The following NAA15 variants were observed in gnomAD, a reference collection of about 807,000 sequenced individuals.
NAA15 encodes the protein N-alpha-acetyltransferase 15, NatA auxiliary subunit.
Under a neutral mutation model 114.0 loss-of-function variants are expected in NAA15, and 34 were observed. The observed-to-expected ratio is 0.30, with a 90% CI of 0.23 to 0.40. The LOEUF (loss-of-function observed/expected upper bound fraction) is 0.40, where lower values mean the gene tolerates loss of function less well. NAA15 is among the 10% of genes least tolerant of loss of function. The probability of loss-of-function intolerance (pLI) is 1.00; values close to 1 mark genes in which losing one functional copy is unlikely to be tolerated. For missense variants in NAA15, 658 were observed against 1,004.5 expected (o/e 0.66, Z 4.66); for synonymous variants, 340 against 338.0 (o/e 1.01, Z -0.06).
At chr4:139,345,977 G>T (rs1330623478) in intron 6 of NAA15, among the ~76,000 whole-genome samples, 1 of 152,108 alleles carries the variant, frequency 6.6e-6, no homozygotes. Flanking sequence ...ACATGACTCA[G>T]TTGAGGAGTT....
At chr4:139,361,208 T>G (rs557977502) in intron 13 of NAA15, among the ~76,000 whole-genome samples, 11 of 152,286 alleles carry the variant, frequency 7.2e-5, no homozygotes, top group African/African-American at 2.6e-4. Context: ...ATACCAAAGC[T>G]TAGTTGAAAT....
intron 1 of NAA15, among the ~76,000 whole-genome samples, chr4:139,308,200 A>G (rs1746090783): frequency 6.6e-6 from 1 of 152,074 alleles, no homozygotes; most frequent in Admixed American, 6.6e-5. Context: ...TGACCTCCTG[A>G]TCTGCCCGCC....
chr4:139,320,903 G>C (rs1373504402), intron 1 of NAA15, among the ~76,000 whole-genome samples: 1 of 152,002 alleles, frequency 6.6e-6, no homozygotes, highest in Admixed American at 6.6e-5. Context: ...CTCCTGCCTG[G>C]GCCTCCCAAA....
chr4:139,335,458 T>C (rs1257564501), intron 2 of NAA15, among the ~76,000 whole-genome samples: 2 of 151,932 alleles, frequency 1.3e-5, no homozygotes, highest in Non-Finnish European at 1.5e-5. Context: ...TTCCACCTCC[T>C]GGGTTCAAGC....
intron 1 of NAA15, among the ~76,000 whole-genome samples, chr4:139,321,453 A>G (rs1249251432): frequency 6.8e-6 from 1 of 147,266 alleles, no homozygotes; most frequent in Non-Finnish European, 1.5e-5. Flanking sequence ...CTTGAGCCAC[A>G]GTGCCTGGCC....
chr4:139,308,739 C>T (rs958161607), intron 1 of NAA15, among the ~76,000 whole-genome samples: 1 of 152,090 alleles, frequency 6.6e-6, no homozygotes, highest in Admixed American at 6.5e-5. Context: ...CCTCAGCCTC[C>T]CCAGTAGCTG....
At chr4:139,334,104 A>G (rs918803225) in intron 1 of NAA15, 70 bp from the exon 2 acceptor site, 4 of 910,894 alleles carry the variant, frequency 4.4e-6, no homozygotes, top group Non-Finnish European at 6.9e-6. Context: ...AGAGTAGAGA[A>G]ATTTAGCGTT....
At chr4:139,310,957 C>A (rs993676835) in intron 1 of NAA15, among the ~76,000 whole-genome samples, 48 of 151,462 alleles carry the variant, frequency 3.2e-4, no homozygotes, top group African/African-American at 1.1e-3. Flanking sequence ...TACTCTGTTG[C>A]CCAGGCTGGA....
intron 13 of NAA15, 91 bp from the exon 14 acceptor site, chr4:139,361,633 C>T: frequency 2.7e-6 from 2 of 751,530 alleles, no homozygotes; most frequent in Non-Finnish European, 4.1e-6. Flanking sequence ...TTTTTTCATG[C>T]CAAAGTAACA....
Position 139,319,886 on chromosome 4 carries a change from T to C in NAA15, c.55-14288T>C, listed in dbSNP as rs1746541485. Among the ~76,000 whole-genome samples the C allele has an allele frequency of 2.6e-5, 4 of 152,330 alleles. No homozygotes were observed. In the Middle Eastern group the frequency reaches 0.014, roughly 518 times the overall value. On this transcript the variant is annotated intron_variant, in intron 1 of 19. Coordinates refer to ENST00000296543, the MANE Select transcript of NAA15 (RefSeq NM_057175.5). ...AACAGGTTCCTAAAGCTCTGTTTCT[T>C]TAAACATCTTTCTTTGTGTTTTTCA...
rs915138416 is a variant in NAA15, at chr4:139,391,047, T to C, written c.*2963T>C. The stretch of plus-strand genomic sequence containing the variant: ...TTGGGAAAAGCTGTAATGTAAAATA[T>C]TGGACTTTGTTGCAAGATAGGTATA... On this transcript the variant is annotated 3_prime_UTR_variant, in exon 20 of 20. Coordinates refer to ENST00000296543, the MANE Select transcript of NAA15 (RefSeq NM_057175.5). The C allele has an allele frequency of 1.3e-5, 2 of 152,256 alleles. No individual in the cohort carries two copies. The highest frequency in any genetic ancestry group is 2.4e-5 in the African/African-American group (1 of 41,472). The allele number at this position is 152,256 out of a possible 1,614,324, so 9.4% of individuals were successfully genotyped here. A position where few individuals can be genotyped will look rare whatever the true frequency, so the allele number is the denominator to read the frequency against.
At chr4:139,320,350 G>A (rs1033006236) in intron 1 of NAA15, among the ~76,000 whole-genome samples, 5 of 152,244 alleles carry the variant, frequency 3.3e-5, no homozygotes, top group African/African-American at 1.2e-4. Flanking sequence ...GTGCCTGAAC[G>A]GAGTATCTGT....
chr4:139,357,283 C>T, intron 10 of NAA15, 103 bp from the exon 11 acceptor site: 1 of 946,404 alleles, frequency 1.1e-6, no homozygotes. Context: ...AAATAAACTC[C>T]TTTCATAGTA....
chr4:139,371,050 C>G (rs1748421781), intron 15 of NAA15, among the ~76,000 whole-genome samples: 1 of 152,148 alleles, frequency 6.6e-6, no homozygotes, highest in Admixed American at 6.5e-5. Context: ...TTCCTTTGTC[C>G]TTTCTTTTGA....
In NAA15 at chr4:139,385,300, A is replaced by AAT. The variant is rs1553999087; in HGVS notation, c.2302+329_2302+330dup. On this transcript the variant is annotated intron_variant, in intron 18 of 19. Transcript: ENST00000296543. The stretch of plus-strand genomic sequence containing the variant: ...ATATATATAATATATATATATATAT[A>AAT]ATATATATTATATATATATGCGCTT... Among the ~76,000 whole-genome samples, 4 of 90,184 alleles carry AAT rather than the reference A, an allele frequency of 4.4e-5. No homozygotes were observed. The South Asian group carries it at 9.6e-4, about 22-fold the overall frequency. 59.2% of individuals were successfully genotyped at this position (90,184 alleles called of 152,430 possible). A position where few individuals can be genotyped will look rare whatever the true frequency, so the allele number is the denominator to read the frequency against.
rs772888428 is a variant in NAA15, at chr4:139,359,907, T to C, written c.1410+12T>C. ...CAAAGTTTACAAGGGTTTGTACAGCTAGTGTTCTTAATTATGAATAAAGAA... is the reference window on the plus strand; with the variant it reads ...CAAAGTTTACAAGGGTTTGTACAGCCAGTGTTCTTAATTATGAATAAAGAA... On this transcript the variant is annotated intron_variant, in intron 12 of 19. Transcript: ENST00000296543. 1 of 1,562,866 alleles carries C rather than the reference T, an allele frequency of 6.4e-7. No individual in the cohort carries two copies.
rs971066403 is a variant in NAA15, at chr4:139,390,067, T to C, written c.*1983T>C. 6 of 152,644 alleles carry C rather than the reference T, an allele frequency of 3.9e-5. No individual in the cohort carries two copies. The highest frequency in any genetic ancestry group is 1.4e-4 in the African/African-American group (6 of 41,456). The allele number at this position is 152,644 out of a possible 1,614,324, so 9.5% of individuals were successfully genotyped here. A position where few individuals can be genotyped will look rare whatever the true frequency, so the allele number is the denominator to read the frequency against. ...GTGTTTGGAGGAGGTACCAGCCATA[T>C]AATAGGGGGTGTATGTGTGAATTTT... On this transcript the variant is annotated 3_prime_UTR_variant, in exon 20 of 20. Coordinates refer to ENST00000296543, the MANE Select transcript of NAA15 (RefSeq NM_057175.5).
chr4:139,349,689 G>GAAATCTGA, intron 7 of NAA15, 108 bp downstream of exon 7: 1 of 1,199,626 alleles, frequency 8.3e-7, no homozygotes, highest in Non-Finnish European at 1.1e-6. Context: ...GAATTGGTTC[G>GAAATCTGA]AAATCTGAAT....
chr4:139,359,865 A>G lies in NAA15; in HGVS notation c.1380A>G (p.Glu460=). The G allele has an allele frequency of 6.2e-7, 1 of 1,600,094 alleles. No homozygotes were observed. Among genetic ancestry groups the G allele is most frequent in the Non-Finnish European group, 8.5e-7 (1 of 1,177,260 alleles). The stretch of plus-strand genomic sequence containing the variant: ...TGCTAAAAGCCAACCTGATTAAAGA[A>G]GCTGAAGAAATGTGCTCAAAGTTTA... ...KYMLKANLIK[E]AEEMCSKFTR... Residue 460 remains glutamate, a synonymous_variant, in exon 12 of 20, where the codon GAA becomes GAG. Transcript: ENST00000296543.
Sources: allele counts gnomAD v4.1 joint callset (sites outside exome capture counted in the v4.1 genomes callset), GRCh38; gene constraint gnomAD v4.1.1; transcripts MANE v1.5; gene names NCBI Gene and HGNC (gene_info 2026-07-23, HGNC 2026-07-21).